The following DAAM1 variants were observed in gnomAD, a reference collection of about 807,000 sequenced individuals.
DAAM1 encodes disheveled-associated activator of morphogenesis 1.
In DAAM1, 52 loss-of-function variants were observed where a neutral mutation model predicts 130.0. The observed-to-expected ratio is 0.40, with a 90% confidence interval of 0.32 to 0.50. The LOEUF (loss-of-function observed/expected upper bound fraction) is 0.50, where lower values mean the gene tolerates loss of function less well. DAAM1 is among the 20% of genes least tolerant of loss of function. DAAM1 has a pLI of 0.61. For synonymous variants in DAAM1, 452 were observed against 444.5 expected (o/e 1.02, Z -0.21); for missense variants, 1,134 against 1,303.8 (o/e 0.87, Z 2.01).
intron 16 of DAAM1, among the ~76,000 whole-genome samples, chr14:59,344,472 A>G (rs1885987863): frequency 6.6e-6 from 1 of 152,200 alleles, no homozygotes; most frequent in Admixed American, 6.5e-5. Context: ...AAAGCAATTA[A>G]TTACAGAGAT....
intron 16 of DAAM1, among the ~76,000 whole-genome samples, chr14:59,346,440 A>C (rs1350750267): frequency 6.6e-6 from 1 of 152,214 alleles, no homozygotes; most frequent in Non-Finnish European, 1.5e-5. Context: ...AATACGCCAC[A>C]TTAGTTATAG....
chr14:59,257,467 G>T (rs1405896797), intron 1 of DAAM1, among the ~76,000 whole-genome samples: 1 of 151,196 alleles, frequency 6.6e-6, no homozygotes, highest in African/African-American at 2.4e-5. Flanking sequence ...GGCCTACAAA[G>T]CAGCAGTATT....
At chr14:59,332,210 TCAC>T (rs1269075467) in intron 15 of DAAM1, among the ~76,000 whole-genome samples, 3 of 152,206 alleles carry the variant, frequency 2.0e-5, no homozygotes, top group South Asian at 2.1e-4. Flanking sequence ...TCAAAATGGT[TCAC>T]CAGGAGAAAG....
chr14:59,206,678 AG>A (rs1055165636), intron 1 of DAAM1, among the ~76,000 whole-genome samples: 27 of 152,256 alleles, frequency 1.8e-4, no homozygotes, highest in Admixed American at 1.8e-3. Context: ...GGGTGTAAAC[AG>A]TAGATACTCT....
chr14:59,258,262 CG>C (rs1882001688), intron 1 of DAAM1, among the ~76,000 whole-genome samples: 1 of 152,144 alleles, frequency 6.6e-6, no homozygotes, highest in Admixed American at 6.5e-5. Flanking sequence ...TGGGCTTCTC[CG>C]CATAAACATC....
chr14:59,340,061 A>T lies in DAAM1; in HGVS notation c.1969-13A>T, dbSNP rs368655307. 39 of 1,609,670 alleles carry T rather than the reference A, an allele frequency of 2.4e-5. No homozygotes were observed. The highest frequency in any genetic ancestry group is 2.9e-5 in the Non-Finnish European group (34 of 1,176,804). On this transcript the variant is annotated splice_polypyrimidine_tract_variant and intron_variant, in intron 15 of 24. Transcript: ENST00000360909. ...TGTTGGACTTTGATGGATTTCTTTCATGCTCTTTACAGAAAGAAGCAGATG... is the reference window on the plus strand; with the variant it reads ...TGTTGGACTTTGATGGATTTCTTTCTTGCTCTTTACAGAAAGAAGCAGATG...
chr14:59,219,405 G>A (rs894835373), intron 1 of DAAM1, among the ~76,000 whole-genome samples: 10 of 152,198 alleles, frequency 6.6e-5, no homozygotes, highest in Non-Finnish European at 1.3e-4. Flanking sequence ...TCGGCATGCT[G>A]TAGTCAGTAT....
At chr14:59,275,291 A>C (rs949578238) in intron 2 of DAAM1, among the ~76,000 whole-genome samples, 1 of 152,156 alleles carries the variant, frequency 6.6e-6, no homozygotes, top group Admixed American at 6.5e-5. Context: ...TCAGAGGGTG[A>C]AGGGTGGGAG....
At chr14:59,302,543 T>C (rs913809721) in intron 3 of DAAM1, among the ~76,000 whole-genome samples, 4 of 152,176 alleles carry the variant, frequency 2.6e-5, no homozygotes, top group Non-Finnish European at 4.4e-5. Flanking sequence ...CTGTCTTGGC[T>C]CCAATCCCTG....
chr14:59,331,751 C>A, intron 14 of DAAM1, 62 bp from the exon 15 acceptor site: 2 of 1,545,514 alleles, frequency 1.3e-6, no homozygotes, highest in South Asian at 1.2e-5. Context: ...TTTTAAATAA[C>A]CATCCCTGTT....
At chr14:59,261,028 TG>T (rs961033151) in intron 1 of DAAM1, among the ~76,000 whole-genome samples, 17 of 152,064 alleles carry the variant, frequency 1.1e-4, no homozygotes, top group Admixed American at 4.6e-4. Flanking sequence ...AGAATGGTAT[TG>T]GGGAGCCATT....
intron 1 of DAAM1, among the ~76,000 whole-genome samples, chr14:59,215,929 C>T (rs145071336): frequency 2.0e-5 from 3 of 152,168 alleles, no homozygotes; most frequent in Non-Finnish European, 2.9e-5. Flanking sequence ...GCCTTTCTCA[C>T]GTTCCTCTCA....
chr14:59,315,429 T>G, intron 4 of DAAM1, 78 bp downstream of exon 4: 1 of 1,351,986 alleles, frequency 7.4e-7, no homozygotes, highest in Non-Finnish European at 1.0e-6. Flanking sequence ...CACAATAAAT[T>G]CGATTGAGTA....
intron 3 of DAAM1, 120 bp from the exon 4 acceptor site, chr14:59,315,160 C>T: frequency 1.1e-6 from 1 of 878,258 alleles, no homozygotes; most frequent in South Asian, 1.3e-5. Flanking sequence ...ATACGTCATA[C>T]CTTCGTGTCT....
intron 1 of DAAM1, among the ~76,000 whole-genome samples, chr14:59,204,774 G>T (rs919706103): frequency 6.6e-6 from 1 of 152,232 alleles, no homozygotes; most frequent in African/African-American, 2.4e-5. Flanking sequence ...GCTCATGCCT[G>T]TAATTCCAGC....
chr14:59,189,932 A>G (rs1040300604), intron 1 of DAAM1, among the ~76,000 whole-genome samples: 1 of 152,092 alleles, frequency 6.6e-6, no homozygotes, highest in African/African-American at 2.4e-5. Flanking sequence ...GGAGAGCATC[A>G]AGAGCAAATG....
At chr14:59,220,213 C>T (rs889033742) in intron 1 of DAAM1, among the ~76,000 whole-genome samples, 2 of 152,050 alleles carry the variant, frequency 1.3e-5, no homozygotes, top group Non-Finnish European at 2.9e-5. Context: ...AGAGAATTGG[C>T]GGCTCTATTC....
intron 2 of DAAM1, chr14:59,264,252 A>T (rs1310027554): frequency 6.2e-6 from 1 of 161,584 alleles, no homozygotes. Flanking sequence ...GAAATGAAGG[A>T]TGCATCTAGT....
chr14:59,190,163 C>T lies in DAAM1; in HGVS notation c.-38+1395C>T, dbSNP rs1037987536. On this transcript the variant is annotated intron_variant, in intron 1 of 24. Coordinates refer to ENST00000360909, the MANE Select transcript of DAAM1 (RefSeq NM_001270520.2). ...GCTCGCCCTGGCCCAGCTGCTCTCT[C>T]CTCCTCGCCCCTTTCACAGCCCCGG... is the stretch of plus-strand genomic sequence containing the variant. Among the ~76,000 whole-genome samples, 5 of 152,040 alleles carry T rather than the reference C, an allele frequency of 3.3e-5. No homozygotes were observed. The East Asian group carries it at 7.7e-4, about 24-fold the overall frequency.
Sources: allele counts gnomAD v4.1 joint callset (sites outside exome capture counted in the v4.1 genomes callset), GRCh38; gene constraint gnomAD v4.1.1; transcripts MANE v1.5; gene names NCBI Gene and HGNC (gene_info 2026-07-23, HGNC 2026-07-21).